The following DPF3 variants were observed in gnomAD, a reference collection of about 807,000 sequenced individuals.
The protein encoded by DPF3 is double PHD fingers 3.
A neutral mutation model predicts 56.8 loss-of-function variants in DPF3; 18 were observed. That is an observed-to-expected ratio of 0.32 (90% CI 0.22 to 0.47). DPF3 has a LOEUF of 0.47. Among genes scored for constraint, DPF3 ranks in the 20% least tolerant of loss-of-function variants. DPF3 has a pLI of 1.00. For missense variants in DPF3, 403 were observed against 488.8 expected, an observed-to-expected ratio of 0.82 and a Z score of 1.65; for synonymous variants, 188 against 180.2, an observed-to-expected ratio of 1.04 and a Z score of -0.35.
At chr14:72,755,207 G>C (rs1188410078) in intron 2 of DPF3, among the ~76,000 whole-genome samples, 1 of 152,124 alleles carries the variant, frequency 6.6e-6, no homozygotes. Context: ...GCCCCCACCA[G>C]CACCCTCCAA....
intron 1 of DPF3, among the ~76,000 whole-genome samples, chr14:72,831,706 A>G (rs1344101765): frequency 6.6e-6 from 1 of 152,224 alleles, no homozygotes; most frequent in South Asian, 2.1e-4. Flanking sequence ...AGGCTTGAAA[A>G]CATACCAAGA....
chr14:72,857,946 G>C (rs575182098), intron 1 of DPF3, among the ~76,000 whole-genome samples: 61 of 152,130 alleles, frequency 4.0e-4, no homozygotes, highest in African/African-American at 1.4e-3. Context: ...TTGAGGTAGG[G>C]AAACTGTGTG....
At chr14:72,780,978 A>G (rs1333266877) in intron 1 of DPF3, among the ~76,000 whole-genome samples, 1 of 152,210 alleles carries the variant, frequency 6.6e-6, no homozygotes, top group Non-Finnish European at 1.5e-5. Flanking sequence ...CTGATTCTAG[A>G]GGCTTGGGAT....
intron 4 of DPF3, among the ~76,000 whole-genome samples, chr14:72,727,032 T>C (rs1889436043): frequency 1.3e-5 from 2 of 152,194 alleles, no homozygotes; most frequent in South Asian, 4.1e-4. Context: ...CTTCCTTCTT[T>C]ATATCACATG....
intron 1 of DPF3, among the ~76,000 whole-genome samples, chr14:72,783,609 A>C (rs1254756276): frequency 6.6e-6 from 1 of 152,200 alleles, no homozygotes; most frequent in Admixed American, 6.5e-5. Flanking sequence ...TCAAATCTTG[A>C]TCATGGCCAC....
At chr14:72,721,097 T>C (rs1889151612) in intron 5 of DPF3, among the ~76,000 whole-genome samples, 2 of 152,194 alleles carry the variant, frequency 1.3e-5, no homozygotes, top group Admixed American at 6.5e-5. Context: ...AGTAGCCACA[T>C]GTGGCCAGCA....
At chr14:72,811,341 A>G (rs1217981630) in intron 1 of DPF3, among the ~76,000 whole-genome samples, 1 of 152,220 alleles carries the variant, frequency 6.6e-6, no homozygotes, top group Admixed American at 6.5e-5. Context: ...CCCATGAAGG[A>G]AGAGATTGGG....
chr14:72,651,665 A>G (rs1003534015), intron 8 of DPF3, among the ~76,000 whole-genome samples: 1 of 151,794 alleles, frequency 6.6e-6, no homozygotes. Context: ...CCTTTGAAGT[A>G]GTACAACCAA....
intron 1 of DPF3, among the ~76,000 whole-genome samples, chr14:72,813,549 TC>T (rs942122898): frequency 1.3e-5 from 2 of 151,830 alleles, no homozygotes; most frequent in South Asian, 2.1e-4. Context: ...CATCCTGGCC[TC>T]CCCCCCGGCA....
intron 6 of DPF3, among the ~76,000 whole-genome samples, chr14:72,693,872 G>A (rs939050155): frequency 2.6e-5 from 4 of 152,332 alleles, no homozygotes; most frequent in Non-Finnish European, 5.9e-5. Flanking sequence ...CTCACCCAGC[G>A]ATTTTGTGCC....
At position 72,703,315 on chromosome 14, in the gene DPF3, C is replaced by T. The variant is rs561911775; in HGVS notation, c.605-10102G>A. Among the ~76,000 whole-genome samples, 27 of 152,214 alleles carry T rather than the reference C, an allele frequency of 1.8e-4. No homozygotes were observed. The South Asian group carries it at 3.5e-3, about 20-fold the overall frequency. On this transcript the variant is annotated intron_variant, in intron 6 of 10. Coordinates refer to ENST00000556509, the MANE Select transcript of DPF3 (RefSeq NM_001280542.3). ...TGGGGTAAAACACCCTGATTTTTCA[C>T]AGCCACATTTCTTGGGGCCTGGTGG... is the stretch of plus-strand genomic sequence containing the variant.
At chr14:72,663,963 G>A (rs780285478) in intron 8 of DPF3, among the ~76,000 whole-genome samples, 2 of 151,858 alleles carry the variant, frequency 1.3e-5, no homozygotes, top group African/African-American at 2.4e-5. Context: ...CCTTGACCAA[G>A]TCCTCCCTCC....
intron 3 of DPF3, among the ~76,000 whole-genome samples, chr14:72,738,445 C>T (rs531545043): frequency 8.5e-5 from 13 of 152,148 alleles, no homozygotes; most frequent in East Asian, 3.9e-4. Context: ...GGATGGGTTA[C>T]GGCATCCAGA....
At position 72,838,023 on chromosome 14, in the gene DPF3, G is replaced by T. The variant is rs144234741; in HGVS notation, c.32+56034C>A. ...GCAGCTTCCACAGGCGGTGAAAGAA[G>T]GCAGCAAGCAGTGGCTCCAGTGCCA... On this transcript the variant is annotated intron_variant, in intron 1 of 10. Transcript: ENST00000556509. Among the ~76,000 whole-genome samples, 1,077 of 152,276 alleles carry T rather than the reference G, an allele frequency of 7.1e-3. 9 individuals are homozygous for T. The highest frequency in any genetic ancestry group is 0.025 in the African/African-American group (1,024 of 41,556).
rs1326414400 is a variant in DPF3, at chr14:72,842,533, TG to T, written c.32+51523del. Among the ~76,000 whole-genome samples, 3 of 152,068 alleles carry T rather than the reference TG, an allele frequency of 2.0e-5. No homozygotes were observed. The East Asian group carries it at 5.8e-4, about 29-fold the overall frequency. On this transcript the variant is annotated intron_variant, in intron 1 of 10. Transcript: ENST00000556509. ...GGGTTAGACTCAGAATAGTCACCCT[TG>T]GTGGGATGGGGTAGGGAGCGTTGGG...
intron 1 of DPF3, chr14:72,892,166 G>C: frequency 1.3e-6 from 2 of 1,535,292 alleles, no homozygotes; most frequent in Non-Finnish European, 8.7e-7. Flanking sequence ...ATGTGAAATA[G>C]GTTCTCTAAC....
At chr14:72,624,209 C>T (rs1425728981) in intron 9 of DPF3, among the ~76,000 whole-genome samples, 1 of 151,898 alleles carries the variant, frequency 6.6e-6, no homozygotes, top group Non-Finnish European at 1.5e-5. Context: ...CTCACTGTGC[C>T]CTAATATTAA....
chr14:72,768,933 C>CTGTGTGTGTGTGTG (rs10543093), intron 2 of DPF3, among the ~76,000 whole-genome samples: 2 of 146,398 alleles, frequency 1.4e-5, no homozygotes, highest in African/African-American at 5.1e-5. Flanking sequence ...GTGTGAGTGT[C>CTGTGTGTGTGTGTG]TGTGTGTGTG....
chr14:72,852,338 A>C (rs1178790205), intron 1 of DPF3, among the ~76,000 whole-genome samples: 1 of 152,236 alleles, frequency 6.6e-6, no homozygotes, highest in Non-Finnish European at 1.5e-5. Flanking sequence ...TGTGCTCAAA[A>C]ACCCTTCTTT....
Sources: gnomAD v4.1 joint callset for allele counts (sites outside exome capture counted in the v4.1 genomes callset) on GRCh38, gnomAD v4.1.1 for gene constraint, MANE v1.5 for transcripts, NCBI Gene and HGNC (gene_info 2026-07-23, HGNC 2026-07-21) for gene names.